Variants in SRGAP2 observed in about 807,000 individuals in gnomAD.
SRGAP2 encodes the protein SLIT-ROBO Rho GTPase activating protein 2, also known as SLIT-ROBO Rho GTPase-activating protein 2.
A neutral mutation model predicts 57.2 loss-of-function variants in SRGAP2; 15 were observed. The ratio of observed to expected loss-of-function variants is 0.26; its 90% CI spans 0.18 to 0.40. The LOEUF (loss-of-function observed/expected upper bound fraction) is 0.40, where lower values mean the gene tolerates loss of function less well. SRGAP2 is among the 10% of genes least tolerant of loss of function. The pLI is 1.00. For synonymous variants in SRGAP2, 249 were observed against 248.0 expected (o/e 1.00, Z -0.04); for missense variants, 520 against 669.6 (o/e 0.78, Z 2.47).
At chr1:206,446,002 G>A (rs879972440) in intron 17 of SRGAP2, 73 bp from the exon 18 acceptor site, 11 of 746,696 alleles carry the variant, frequency 1.5e-5, no homozygotes, top group East Asian at 1.2e-4. Context: ...TCTTGGCAGC[G>A]CCTCCTGTGA....
chr1:206,219,862 AG>A (rs1206097932), intron 2 of SRGAP2, among the ~76,000 whole-genome samples: 1 of 152,116 alleles, frequency 6.6e-6, no homozygotes, highest in African/African-American at 2.4e-5. Flanking sequence ...TCACTGCCAA[AG>A]CTGAAACCGA....
At chr1:206,341,067 T>C (rs1553335061) in intron 3 of SRGAP2, among the ~76,000 whole-genome samples, 1 of 152,250 alleles carries the variant, frequency 6.6e-6, no homozygotes, top group Non-Finnish European at 1.5e-5. Flanking sequence ...AAGTAACTTC[T>C]TGGTTGGGTT....
intron 3 of SRGAP2, among the ~76,000 whole-genome samples, chr1:206,306,576 G>A (rs1162757128): frequency 7.2e-5 from 11 of 152,074 alleles, no homozygotes; most frequent in Non-Finnish European, 8.8e-5. Context: ...ATGTTGGCTC[G>A]GGCAGCCTGC....
chr1:206,305,888 G>A (rs1336081831), intron 3 of SRGAP2, among the ~76,000 whole-genome samples: 3 of 151,984 alleles, frequency 2.0e-5, no homozygotes, highest in Admixed American at 6.5e-5. Flanking sequence ...TTTCCTCAGA[G>A]TTTCTTATCT....
intron 11 of SRGAP2, among the ~76,000 whole-genome samples, chr1:206,416,539 T>C (rs782796181): frequency 6.6e-6 from 1 of 152,210 alleles, no homozygotes; most frequent in Non-Finnish European, 1.5e-5. Context: ...TGGTGCTGAA[T>C]GGACTGTCTT....
At chr1:206,362,898 G>A (rs1457269317) in intron 4 of SRGAP2, among the ~76,000 whole-genome samples, 1 of 152,200 alleles carries the variant, frequency 6.6e-6, no homozygotes, top group Admixed American at 6.5e-5. Flanking sequence ...GAAGATGGCT[G>A]ATGTGGCCCC....
intron 2 of SRGAP2, among the ~76,000 whole-genome samples, chr1:206,268,077 ATATATT>A (rs1361752062): frequency 2.8e-5 from 4 of 143,288 alleles, no homozygotes; most frequent in Admixed American, 2.7e-4. Flanking sequence ...GACTATATAT[ATATATT>A]TTTTTTTTTT....
At chr1:206,410,759 T>A (rs1165901399) in intron 10 of SRGAP2, among the ~76,000 whole-genome samples, 2 of 152,258 alleles carry the variant, frequency 1.3e-5, no homozygotes, top group Non-Finnish European at 2.9e-5. Flanking sequence ...ACTGTATGAA[T>A]GTGCCATCAT....
intron 3 of SRGAP2, among the ~76,000 whole-genome samples, chr1:206,306,101 G>A (rs1188168008): frequency 3.3e-5 from 5 of 151,964 alleles, no homozygotes; most frequent in South Asian, 2.1e-4. Flanking sequence ...GCTTATGGAC[G>A]TATTTGTTAC....
chr1:206,209,913 T>C (rs1258070413), intron 2 of SRGAP2, among the ~76,000 whole-genome samples: 2 of 117,374 alleles, frequency 1.7e-5, no homozygotes, highest in African/African-American at 9.5e-5. Context: ...ATTTGTATTA[T>C]TTTAAATTGT....
At chr1:206,275,641 A>T (rs1670365421) in intron 2 of SRGAP2, among the ~76,000 whole-genome samples, 1 of 147,184 alleles carries the variant, frequency 6.8e-6, no homozygotes, top group Admixed American at 6.7e-5. Context: ...TTTGAGACAG[A>T]GTCTCACTCT....
Position 206,343,142 on chromosome 1 carries a change from A to ACACCAGACC in SRGAP2, c.423+135_423+136insACCAGACCC, listed in dbSNP as rs1256281238. The ACACCAGACC allele has an allele frequency of 2.6e-4, 101 of 383,614 alleles. 1 individual carries two copies. Among genetic ancestry groups the ACACCAGACC allele is most frequent in the Admixed American group, 5.0e-4 (11 of 21,978 alleles). The allele number at this position is 383,614 out of a possible 1,614,324, so 23.8% of individuals were successfully genotyped here. ...ACCAGACCCCCATGACATGCAATTT[A>ACACCAGACC]CCCATGTAACAAACTTGCACATATA... On this transcript the variant is annotated intron_variant, in intron 4 of 22. Coordinates refer to ENST00000573034, the MANE Select transcript of SRGAP2 (RefSeq NM_015326.5).
rs1553351018 is a variant in SRGAP2, at chr1:206,392,699, C to T, written c.497C>T (p.Thr166Ile). The part of the protein sequence containing the change: ...VLNELYSVMK[T>I]YHMYNADSIS... Reference sequence around the variant, plus strand: ...GGCGATGTCTTGCAGGTGATGAAGACATATCACATGTACAATGCCGACAGC... The same window carrying T: ...GGCGATGTCTTGCAGGTGATGAAGATATATCACATGTACAATGCCGACAGC... The change falls in exon 6 of 23, where the codon ACA becomes ATA. Residue 166 changes from threonine (T) to isoleucine (I), a missense_variant. Thr to Ile is a moderately conservative substitution (Grantham distance 89). Around this residue, in one of 5 missense-constraint regions of SRGAP2, gnomAD observed 26 missense variants for 202.3 expected, o/e 0.13. Coordinates refer to ENST00000573034, the MANE Select transcript of SRGAP2 (RefSeq NM_015326.5). 3 of 765,410 alleles carry T rather than the reference C, an allele frequency of 3.9e-6. No homozygotes were observed. The highest frequency in any genetic ancestry group is 3.4e-5 in the African/African-American group (2 of 58,696). The allele number at this position is 765,410 out of a possible 1,614,324, so 47.4% of individuals were successfully genotyped here. A position where few individuals can be genotyped will look rare whatever the true frequency, so the allele number is the denominator to read the frequency against.
intron 14 of SRGAP2, among the ~76,000 whole-genome samples, chr1:206,433,364 C>T (rs1553368910): frequency 6.6e-6 from 1 of 152,096 alleles, no homozygotes; most frequent in East Asian, 1.9e-4. Context: ...ACAAGCCAAG[C>T]ATGGTGGCTC....
chr1:206,297,527 A>G lies in SRGAP2; in HGVS notation c.68-5754A>G, dbSNP rs1399183048. Among the ~76,000 whole-genome samples, 2 of 81,242 alleles carry G rather than the reference A, an allele frequency of 2.5e-5. 1 individual carries two copies. Among genetic ancestry groups the G allele is most frequent in the Non-Finnish European group, 4.3e-5 (2 of 46,458 alleles). 53.3% of individuals were successfully genotyped at this position (81,242 alleles called of 152,430 possible). A position where few individuals can be genotyped will look rare whatever the true frequency, so the allele number is the denominator to read the frequency against. On this transcript the variant is annotated intron_variant, in intron 2 of 22. Transcript: ENST00000573034. ...AAGCAGGTGAGGCAGATTGGGTGGA[A>G]AAAGACTGGCAGTCAGACCAGGTTC... is the stretch of plus-strand genomic sequence containing the variant.
At chr1:206,231,835 GC>G (rs1208075527) in intron 2 of SRGAP2, among the ~76,000 whole-genome samples, 2 of 151,836 alleles carry the variant, frequency 1.3e-5, no homozygotes, top group African/African-American at 4.8e-5. Context: ...ATCATGCCCG[GC>G]CTCGTTTCCT....
chr1:206,340,013 C>T (rs1396783857), intron 3 of SRGAP2, among the ~76,000 whole-genome samples: 1 of 148,180 alleles, frequency 6.7e-6, no homozygotes, highest in Non-Finnish European at 1.5e-5. Context: ...TGGTCTTGAA[C>T]TCTTGGTCTC....
rs1664371810 is a variant in SRGAP2, at chr1:206,463,250, A to G, written c.*1830A>G. 1 of 152,572 alleles carries G rather than the reference A, an allele frequency of 6.6e-6. No homozygotes were observed. Among genetic ancestry groups the G allele is most frequent in the African/African-American group, 2.4e-5 (1 of 41,432 alleles). 9.5% of individuals were successfully genotyped at this position (152,572 alleles called of 1,614,324 possible). A position where few individuals can be genotyped will look rare whatever the true frequency, so the allele number is the denominator to read the frequency against. ...CACCAGAGAAACCTTTCCAAGTGCT[A>G]GGCAGGAGAACTGAAGAACTCTTTC... On this transcript the variant is annotated 3_prime_UTR_variant, in exon 23 of 23. Coordinates refer to ENST00000573034, the MANE Select transcript of SRGAP2 (RefSeq NM_015326.5).
intron 3 of SRGAP2, among the ~76,000 whole-genome samples, chr1:206,310,217 G>T (rs1214963439): frequency 6.6e-6 from 1 of 151,486 alleles, no homozygotes; most frequent in Non-Finnish European, 1.5e-5. Context: ...CAGCCTGGTA[G>T]AAGAGGAGAT....
Sources: gnomAD v4.1 joint callset for allele counts (sites outside exome capture counted in the v4.1 genomes callset) on GRCh38, gnomAD v4.1.1 for gene constraint, gnomAD v4.1.1 regional missense constraint, MANE v1.5 for transcripts, NCBI Gene and HGNC (gene_info 2026-07-23, HGNC 2026-07-21) for gene names.